The following COP1 variants were observed in gnomAD, a reference collection of about 807,000 sequenced individuals.
COP1 encodes the protein E3 ubiquitin-protein ligase COP1.
Under a neutral mutation model 101.3 loss-of-function variants are expected in COP1, and 24 were observed. The observed-to-expected ratio is 0.24, with a 90% CI of 0.17 to 0.33. The LOEUF (loss-of-function observed/expected upper bound fraction) is 0.33, where lower values mean the gene tolerates loss of function less well. COP1 is among the 10% of genes least tolerant of loss of function. The pLI, the probability that COP1 is intolerant of heterozygous loss-of-function variation, is 1.00. For synonymous variants in COP1, 347 were observed against 341.9 expected (o/e 1.01, Z -0.17); for missense variants, 663 against 906.2 (o/e 0.73, Z 3.45).
chr1:176,092,418 C>G (rs1000092133), intron 9 of COP1, among the ~76,000 whole-genome samples: 1 of 151,888 alleles, frequency 6.6e-6, no homozygotes, highest in Non-Finnish European at 1.5e-5. Context: ...CTTCTGTTCA[C>G]CAAAATTAAT....
intron 9 of COP1, among the ~76,000 whole-genome samples, chr1:176,086,518 GC>G (rs992832314): frequency 6.6e-6 from 1 of 152,046 alleles, no homozygotes; most frequent in African/African-American, 2.4e-5. Flanking sequence ...GAGCCACTGC[GC>G]CTGGCCTGAT....
intron 12 of COP1, among the ~76,000 whole-genome samples, 170 bp from the exon 13 acceptor site, chr1:176,043,988 A>G (rs1671077001): frequency 6.6e-6 from 1 of 152,228 alleles, no homozygotes; most frequent in Non-Finnish European, 1.5e-5. Context: ...AATAATTTTG[A>G]AATTTTAAAA....
chr1:176,122,862 A>G (rs987101472), intron 8 of COP1, among the ~76,000 whole-genome samples: 1 of 152,220 alleles, frequency 6.6e-6, no homozygotes, highest in Non-Finnish European at 1.5e-5. Context: ...GAAAATTTCT[A>G]AAAGATGGAA....
intron 14 of COP1, among the ~76,000 whole-genome samples, chr1:176,032,616 T>G (rs1668819750): frequency 6.6e-6 from 1 of 152,048 alleles, no homozygotes; most frequent in Non-Finnish European, 1.5e-5. Context: ...CAACATGACT[T>G]TTGGCATAAG....
intron 18 of COP1, among the ~76,000 whole-genome samples, chr1:175,981,588 G>C (rs904967830): frequency 6.6e-6 from 1 of 152,024 alleles, no homozygotes; most frequent in Non-Finnish European, 1.5e-5. Flanking sequence ...TAAGGTAAAA[G>C]CTCCATAATG....
At chr1:176,091,051 A>G (rs747500109) in intron 9 of COP1, among the ~76,000 whole-genome samples, 6 of 152,222 alleles carry the variant, frequency 3.9e-5, no homozygotes, top group Admixed American at 2.0e-4. Context: ...GCTTTTCAAG[A>G]GCAGTAGAAA....
At position 176,149,036 on chromosome 1, in the gene COP1, G is replaced by T; in HGVS notation, c.801C>A (p.Phe267Leu). The change falls in exon 6 of 20, where the codon TTC becomes TTA. Residue 267 changes from phenylalanine to leucine, a missense_variant. Physicochemically the swap from Phe to Leu is conservative, Grantham distance 22. Around this residue, in one of 4 missense-constraint regions of COP1, gnomAD observed 212 missense variants for 240.7 expected, o/e 0.88. Coordinates refer to ENST00000367669, the MANE Select transcript of COP1 (RefSeq NM_022457.7). ...TCTTATTTCTTCTTGCAACCTTGAGGAATTCCATAAGAATCTGTAGTTGGG... is the reference window on the plus strand; with the variant it reads ...TCTTATTTCTTCTTGCAACCTTGAGTAATTCCATAAGAATCTGTAGTTGGG... ...HAAQLQILME[F>L]LKVARRNKRE... 6.3e-7 allele frequency: 1 copy of T among 1,587,634 alleles called. No homozygotes were observed. The highest frequency in any genetic ancestry group is 1.1e-5 in the South Asian group (1 of 86,964).
chr1:175,973,501 T>C lies in COP1; in HGVS notation c.2133+13442A>G, dbSNP rs78894185. Among the ~76,000 whole-genome samples the C allele has an allele frequency of 7.0e-3, 1,068 of 152,322 alleles. 29 individuals are homozygous for C. The South Asian group carries it at 0.079, about 11-fold the overall frequency. On this transcript the variant is annotated intron_variant, in intron 18 of 19. Transcript: ENST00000367669. ...TGCAGAGCTACAAGTTGCTAAATGT[T>C]ACACATTTTAAAGTATATTACTGTT...
rs148937109 is a variant in COP1, at chr1:176,115,423, C to G, written c.1026+1201G>C. 6.2e-3 allele frequency among the ~76,000 whole-genome samples: 946 copies of G among 151,902 alleles called. 7 individuals are homozygous for G. Among genetic ancestry groups the G allele is most frequent in the Non-Finnish European group, 0.011 (718 of 67,928 alleles). On this transcript the variant is annotated intron_variant, in intron 9 of 19. Coordinates refer to ENST00000367669, the MANE Select transcript of COP1 (RefSeq NM_022457.7). ...CAAGATCACACCACTGCACTCCAGC[C>G]TGGGCAGGAGCGGGACTCTGTCTCA...
At chr1:175,991,725 G>C (rs926076917) in intron 15 of COP1, among the ~76,000 whole-genome samples, 2 of 152,102 alleles carry the variant, frequency 1.3e-5, no homozygotes, top group Non-Finnish European at 2.9e-5. Flanking sequence ...ATAGGAAAAA[G>C]CTTTTTAAAC....
At chr1:176,165,361 CGTGTGTGT>C (rs34291468) in intron 3 of COP1, among the ~76,000 whole-genome samples, 6,813 of 132,080 alleles carry the variant, frequency 0.052, 375 homozygotes, top group African/African-American at 0.14. Flanking sequence ...AGATGTGTGT[CGTGTGTGT>C]GTGTGTGTGT....
chr1:175,997,399 G>C (rs1352119754), intron 15 of COP1, among the ~76,000 whole-genome samples: 1 of 151,700 alleles, frequency 6.6e-6, no homozygotes, highest in Non-Finnish European at 1.5e-5. Flanking sequence ...TTGACAAATG[G>C]GATCTAATTA....
At chr1:176,053,705 C>T (rs569486389) in intron 11 of COP1, among the ~76,000 whole-genome samples, 2 of 152,160 alleles carry the variant, frequency 1.3e-5, no homozygotes, top group Non-Finnish European at 2.9e-5. Flanking sequence ...TTGTCTCCAA[C>T]AATCCTTCAA....
chr1:176,105,257 A>G (rs1282198352), intron 9 of COP1, among the ~76,000 whole-genome samples: 1 of 152,170 alleles, frequency 6.6e-6, no homozygotes, highest in Non-Finnish European at 1.5e-5. Flanking sequence ...AATATTTTAC[A>G]TATTCAAAAA....
At chr1:176,139,914 C>T (rs956134680) in intron 6 of COP1, among the ~76,000 whole-genome samples, 24 of 151,952 alleles carry the variant, frequency 1.6e-4, no homozygotes, top group Admixed American at 9.2e-4. Flanking sequence ...CATATATCTA[C>T]GTAAGAAACC....
chr1:176,000,370 G>T (rs770663677), intron 15 of COP1, among the ~76,000 whole-genome samples: 2 of 152,022 alleles, frequency 1.3e-5, no homozygotes, highest in African/African-American at 2.4e-5. Context: ...TTTCTCCAGT[G>T]TATGTTCTTG....
At chr1:175,951,462 A>AT (rs1491471530) in intron 18 of COP1, among the ~76,000 whole-genome samples, 10,002 of 44,550 alleles carry the variant, frequency 0.22, 857 homozygotes, top group East Asian at 0.35. Context: ...ATATATATAT[A>AT]AAAACTTCCA....
intron 14 of COP1, among the ~76,000 whole-genome samples, chr1:176,031,208 T>C (rs1397552183): frequency 6.6e-6 from 1 of 152,216 alleles, no homozygotes; most frequent in Non-Finnish European, 1.5e-5. Context: ...TTTCTTATGG[T>C]AGCCCTAAAA....
chr1:176,184,000 A>G (rs1698123156), intron 2 of COP1, among the ~76,000 whole-genome samples: 1 of 152,126 alleles, frequency 6.6e-6, no homozygotes, highest in South Asian at 2.1e-4. Context: ...AAAGTTCTAG[A>G]GATCAATTGT....
Sources: gnomAD v4.1 joint callset for allele counts (sites outside exome capture counted in the v4.1 genomes callset) on GRCh38, gnomAD v4.1.1 for gene constraint, gnomAD v4.1.1 regional missense constraint, MANE v1.5 for transcripts, NCBI Gene and HGNC (gene_info 2026-07-23, HGNC 2026-07-21) for gene names.